Variants in TMEM131L observed in about 807,000 individuals in gnomAD.
TMEM131L encodes transmembrane protein 131-like.
TMEM131L carries 54 observed loss-of-function variants against 192.2 expected under a neutral mutation model. That is an observed-to-expected ratio of 0.28 (90% CI 0.23 to 0.35). The LOEUF is 0.35. TMEM131L is among the 10% of genes least tolerant of loss of function. The pLI is 1.00. For synonymous variants in TMEM131L, 701 were observed against 704.9 expected, an observed-to-expected ratio of 0.99 and a Z score of 0.09; for missense variants, 1,888 against 1,972.9, an observed-to-expected ratio of 0.96 and a Z score of 0.82.
intron 3 of TMEM131L, among the ~76,000 whole-genome samples, chr4:153,477,051 G>C (rs1731590323): frequency 6.6e-6 from 1 of 152,208 alleles, no homozygotes; most frequent in South Asian, 2.1e-4. Flanking sequence ...GGGGTTGAAA[G>C]TGGATGGAGG....
chr4:153,548,223 C>T lies in TMEM131L; in HGVS notation c.240-1850C>T, dbSNP rs535199438. Among the ~76,000 whole-genome samples, 17 of 152,278 alleles carry T rather than the reference C, an allele frequency of 1.1e-4. 1 individual carries two copies. In the South Asian group the frequency reaches 1.7e-3, roughly 15 times the overall value. Reference sequence around the variant, plus strand: ...TTGAGTAAATAGCATACCTCTTCTCCGACCGTGTTCAAAACAAGTGAAGAG... The same window carrying T: ...TTGAGTAAATAGCATACCTCTTCTCTGACCGTGTTCAAAACAAGTGAAGAG... On this transcript the variant is annotated intron_variant, in intron 3 of 34. Coordinates refer to ENST00000409959, the MANE Select transcript of TMEM131L (RefSeq NM_001131007.2).
At chr4:153,561,994 T>G (rs995178552) in intron 7 of TMEM131L, among the ~76,000 whole-genome samples, 2 of 151,944 alleles carry the variant, frequency 1.3e-5, no homozygotes, top group African/African-American at 4.8e-5. Context: ...AAGTCAGTTA[T>G]TTTAATTTCT....
chr4:153,623,174 G>C, intron 29 of TMEM131L, 91 bp downstream of exon 29: 1 of 1,195,332 alleles, frequency 8.4e-7, no homozygotes, highest in Non-Finnish European at 1.1e-6. Flanking sequence ...TCTGCCTTCA[G>C]GAGTGCAGAG....
chr4:153,500,473 C>A (rs1051432870), intron 3 of TMEM131L, among the ~76,000 whole-genome samples: 2 of 152,122 alleles, frequency 1.3e-5, no homozygotes, highest in South Asian at 4.1e-4. Flanking sequence ...CTGAATGGTG[C>A]CCTATGTAGT....
At chr4:153,564,666 C>T (rs901606376) in intron 7 of TMEM131L, among the ~76,000 whole-genome samples, 2 of 152,142 alleles carry the variant, frequency 1.3e-5, no homozygotes, top group African/African-American at 4.8e-5. Context: ...GGCTCTCCTC[C>T]TTTTGTTGCA....
chr4:153,512,221 G>A (rs559870272), intron 3 of TMEM131L, among the ~76,000 whole-genome samples: 2 of 152,302 alleles, frequency 1.3e-5, no homozygotes, highest in South Asian at 4.1e-4. Context: ...TTTATAACAT[G>A]CCAGAAATTA....
Position 153,604,195 on chromosome 4 carries a change from G to GA in TMEM131L, c.3188dup (p.Asn1063LysfsTer7). On this transcript the variant is annotated frameshift_variant, in exon 25 of 35. Transcript: ENST00000409959. LOFTEE classifies it high-confidence loss of function. ...TACTGAATAAAGAAGAAAACACACT[G>GA]AAAAACACAATTGTTTTCAGTAATC... is the stretch of plus-strand genomic sequence containing the variant. 1.2e-6 allele frequency: 2 copies of GA among 1,614,050 alleles called. No homozygotes were observed. The highest frequency in any genetic ancestry group is 1.7e-6 in the Non-Finnish European group (2 of 1,179,974).
chr4:153,603,820 T>C lies in TMEM131L; in HGVS notation c.2808T>C (p.Phe936=), dbSNP rs368596946. The change falls in exon 25 of 35, where the codon TTT becomes TTC. Residue 936 remains phenylalanine, a synonymous_variant. Coordinates refer to ENST00000409959, the MANE Select transcript of TMEM131L (RefSeq NM_001131007.2). ...AATTCAGAAGCAATTGCAAGAACTT[T>C]CTCGATACATATGGCCCCTCTGATA... is the stretch of plus-strand genomic sequence containing the variant. The part of the protein sequence containing the change: ...PHSYKSNCKN[F]LDTYGPSDKG... 1.8e-4 allele frequency: 280 copies of C among 1,581,492 alleles called. No individual in the cohort carries two copies. Among genetic ancestry groups the C allele is most frequent in the Non-Finnish European group, 2.1e-4 (248 of 1,169,728 alleles).
intron 23 of TMEM131L, 75 bp from the exon 24 acceptor site, chr4:153,603,228 C>G: frequency 1.6e-6 from 2 of 1,288,570 alleles, no homozygotes; most frequent in Admixed American, 2.5e-5. Context: ...ATTCCCCACT[C>G]TTCTGTAATG....
chr4:153,491,607 T>C (rs1480310464), intron 3 of TMEM131L, among the ~76,000 whole-genome samples: 1 of 152,238 alleles, frequency 6.6e-6, no homozygotes, highest in East Asian at 1.9e-4. Context: ...CTTATGCATT[T>C]ATTTAGTATA....
intron 7 of TMEM131L, among the ~76,000 whole-genome samples, chr4:153,562,242 T>G (rs1728894388): frequency 6.6e-6 from 1 of 152,100 alleles, no homozygotes; most frequent in Admixed American, 6.6e-5. Flanking sequence ...TTCACCATGT[T>G]GATCAGGCTG....
At position 153,636,658 on chromosome 4, in the gene TMEM131L, T is replaced by C; in HGVS notation, c.*82T>C. 1 of 1,363,832 alleles carries C rather than the reference T, an allele frequency of 7.3e-7. No individual in the cohort carries two copies. The highest frequency in any genetic ancestry group is 1.4e-5 in the South Asian group (1 of 71,740). The allele number at this position is 1,363,832 out of a possible 1,614,324, so 84.5% of individuals were successfully genotyped here. Reference sequence around the variant, plus strand: ...GTAAACTGGTTATTGAGATAGATTATGACATTGGTGGATATTTTGGCACTT... The same window carrying C: ...GTAAACTGGTTATTGAGATAGATTACGACATTGGTGGATATTTTGGCACTT... On this transcript the variant is annotated 3_prime_UTR_variant, in exon 35 of 35. Coordinates refer to ENST00000409959, the MANE Select transcript of TMEM131L (RefSeq NM_001131007.2).
rs867230204 is a variant in TMEM131L, at chr4:153,506,389, G to A, written c.239+32501G>A. On this transcript the variant is annotated intron_variant, in intron 3 of 34. Transcript: ENST00000409959. ...TTTGAAAAGATTTTAGGGAGTGACA[G>A]CCAAGGATTTTATCCCAGCCAGGCT... Among the ~76,000 whole-genome samples, 3 of 152,286 alleles carry A rather than the reference G, an allele frequency of 2.0e-5. No homozygotes were observed. In the South Asian group the frequency reaches 6.2e-4, roughly 32 times the overall value.
At chr4:153,491,729 C>T (rs1732795952) in intron 3 of TMEM131L, among the ~76,000 whole-genome samples, 1 of 151,948 alleles carries the variant, frequency 6.6e-6, no homozygotes, top group Admixed American at 6.6e-5. Context: ...GTTTTTGAGA[C>T]AGTGTCTGGT....
rs1165224154 is a variant in TMEM131L, at chr4:153,583,594, C to A, written c.982C>A (p.Leu328Met). 6.2e-7 allele frequency: 1 copy of A among 1,611,852 alleles called. No homozygotes were observed. The highest frequency in any genetic ancestry group is 8.5e-7 in the Non-Finnish European group (1 of 1,179,056). The change falls in exon 11 of 35, where the codon CTG (leucine) becomes ATG (methionine). Residue 328 changes from leucine to methionine, a missense_variant. Transcript: ENST00000409959. Reference protein sequence around the residue: ...DIRHFSQRDALSLQFEPVLLP... With the variant: ...DIRHFSQRDAMSLQFEPVLLP... ...ACGCCATTTCTCACAGAGAGATGCTCTGTCTCTGCAGTTTGAACCAGTACT... is the reference window on the plus strand; with the variant it reads ...ACGCCATTTCTCACAGAGAGATGCTATGTCTCTGCAGTTTGAACCAGTACT...
intron 3 of TMEM131L, among the ~76,000 whole-genome samples, chr4:153,475,323 T>G (rs1731453011): frequency 6.6e-6 from 1 of 152,196 alleles, no homozygotes; most frequent in African/African-American, 2.4e-5. Flanking sequence ...CACTGTGTGA[T>G]TTTTAGATGA....
At chr4:153,508,670 T>TTTTTTTAA (rs1418834072) in intron 3 of TMEM131L, among the ~76,000 whole-genome samples, 1 of 151,818 alleles carries the variant, frequency 6.6e-6, no homozygotes, top group Admixed American at 6.6e-5. Flanking sequence ...ATTTAATGTT[T>TTTTTTTAA]TTTTTTAATT....
At chr4:153,540,969 C>CT (rs1482122434) in intron 3 of TMEM131L, among the ~76,000 whole-genome samples, 1 of 152,178 alleles carries the variant, frequency 6.6e-6, no homozygotes, top group Non-Finnish European at 1.5e-5. Flanking sequence ...GTATCTAATA[C>CT]TGAATGTTCG....
At chr4:153,565,997 G>A (rs1259508717) in intron 7 of TMEM131L, among the ~76,000 whole-genome samples, 1 of 152,150 alleles carries the variant, frequency 6.6e-6, no homozygotes, top group Non-Finnish European at 1.5e-5. Context: ...TTTGAAATTG[G>A]CATTGTCTCA....
Sources: allele counts gnomAD v4.1 joint callset (sites outside exome capture counted in the v4.1 genomes callset), GRCh38; gene constraint gnomAD v4.1.1; transcripts MANE v1.5; gene names NCBI Gene and HGNC (gene_info 2026-07-23, HGNC 2026-07-21).